PDE1C: variants seen among roughly 807,000 people sequenced by gnomAD.
The protein encoded by PDE1C is phosphodiesterase 1C.
In PDE1C, 62 loss-of-function variants were observed where a neutral mutation model predicts 93.1. The observed-to-expected ratio is 0.67, with a 90% CI of 0.54 to 0.82. The LOEUF is 0.82. PDE1C is among the 40% of genes least tolerant of loss of function. PDE1C has a pLI of 0.00. For synonymous variants in PDE1C, 325 were observed against 310.1 expected (o/e 1.05, Z -0.50); for missense variants, 742 against 884.6 (o/e 0.84, Z 2.04).
intron 3 of PDE1C, among the ~76,000 whole-genome samples, chr7:32,088,210 GA>G (rs557330294): frequency 7.3e-5 from 11 of 151,114 alleles, no homozygotes; most frequent in African/African-American, 2.4e-4. Flanking sequence ...AAAAAAGGAA[GA>G]AAAAAAGCTC....
intron 3 of PDE1C, among the ~76,000 whole-genome samples, chr7:32,088,020 TAAAAAATAA>T (rs1797221302): frequency 7.0e-6 from 1 of 142,064 alleles, no homozygotes; most frequent in African/African-American, 2.5e-5. Flanking sequence ...AATAAAAAAA[TAAAAAATAA>T]AAAAAAGAAA....
intron 1 of PDE1C, among the ~76,000 whole-genome samples, chr7:32,387,687 C>G (rs1328193490): frequency 6.8e-6 from 1 of 147,868 alleles, no homozygotes; most frequent in Admixed American, 6.6e-5. Context: ...GGCTGACCCC[C>G]CCCACCTCCC....
At chr7:32,117,992 T>A (rs1297426380) in intron 3 of PDE1C, among the ~76,000 whole-genome samples, 1 of 152,168 alleles carries the variant, frequency 6.6e-6, no homozygotes, top group East Asian at 1.9e-4. Context: ...GACAATGTTT[T>A]AGGAGAGATT....
At chr7:32,127,956 T>A (rs557435068) in intron 3 of PDE1C, among the ~76,000 whole-genome samples, 1 of 152,012 alleles carries the variant, frequency 6.6e-6, no homozygotes, top group African/African-American at 2.4e-5. Flanking sequence ...ACTTACCCAA[T>A]CGGATAATAA....
At chr7:32,361,885 C>T (rs1210012464) in intron 1 of PDE1C, among the ~76,000 whole-genome samples, 2 of 152,334 alleles carry the variant, frequency 1.3e-5, no homozygotes, top group Middle Eastern at 6.8e-3. Context: ...CTGCTCTTTA[C>T]TCCTCAAGAA....
intron 11 of PDE1C, among the ~76,000 whole-genome samples, chr7:31,836,584 T>G (rs1180659607): frequency 6.6e-6 from 1 of 152,102 alleles, no homozygotes; most frequent in African/African-American, 2.4e-5. Flanking sequence ...CCACCCGCCT[T>G]GGCCTCCCAA....
chr7:32,404,088 C>A (rs926364647), intron 1 of PDE1C, among the ~76,000 whole-genome samples: 1 of 152,172 alleles, frequency 6.6e-6, no homozygotes, highest in African/African-American at 2.4e-5. Flanking sequence ...CTGGGTCTGA[C>A]TCCTGGCCCC....
the PDE1C span, among the ~76,000 whole-genome samples, chr7:31,743,179 T>G: frequency 1.3e-5 from 2 of 152,218 alleles, no homozygotes; most frequent in African/African-American, 4.8e-5. Flanking sequence ...TTTATCCTGC[T>G]GGGATCCTGC....
chr7:32,116,783 C>T (rs978723396), intron 3 of PDE1C, among the ~76,000 whole-genome samples: 1 of 152,162 alleles, frequency 6.6e-6, no homozygotes, highest in African/African-American at 2.4e-5. Context: ...TTTTTGTCCC[C>T]TTTTGCTATT....
intron 2 of PDE1C, among the ~76,000 whole-genome samples, chr7:31,903,871 C>T (rs1800269896): frequency 6.6e-6 from 1 of 152,048 alleles, no homozygotes; most frequent in African/African-American, 2.4e-5. Context: ...AGTCAAAGGA[C>T]CAATATTAAT....
chr7:31,893,030 T>G (rs1583825121), intron 2 of PDE1C, among the ~76,000 whole-genome samples: 1 of 152,148 alleles, frequency 6.6e-6, no homozygotes, highest in South Asian at 2.1e-4. Context: ...CCCATAAATA[T>G]ATACAATTAT....
chr7:32,100,657 C>G (rs894147699), intron 3 of PDE1C, among the ~76,000 whole-genome samples: 1 of 152,082 alleles, frequency 6.6e-6, no homozygotes, highest in African/African-American at 2.4e-5. Context: ...TAAATCAGCC[C>G]AAAACATCAA....
intron 1 of PDE1C, among the ~76,000 whole-genome samples, chr7:32,066,274 A>T (rs1008905389): frequency 2.0e-5 from 3 of 152,166 alleles, no homozygotes; most frequent in African/African-American, 7.2e-5. Flanking sequence ...TAGCATAGTA[A>T]GGTGGATGGG....
upstream of PDE1C, chr7:32,070,672 G>A: frequency 2.3e-6 from 3 of 1,312,452 alleles, no homozygotes; most frequent in Non-Finnish European, 2.9e-6. Context: ...ATAGAGATAG[G>A]GATTGGGATT....
intron 2 of PDE1C, among the ~76,000 whole-genome samples, chr7:31,971,628 C>A (rs1179144303): frequency 6.6e-6 from 1 of 152,206 alleles, no homozygotes; most frequent in East Asian, 1.9e-4. Context: ...GCTGTATGAC[C>A]TGAGGCTTCC....
intron 1 of PDE1C, among the ~76,000 whole-genome samples, chr7:32,347,317 G>C (rs1783872681): frequency 6.6e-6 from 1 of 152,134 alleles, no homozygotes; most frequent in Non-Finnish European, 1.5e-5. Flanking sequence ...TGATTTTTTT[G>C]AGGAATCAAG....
intron 2 of PDE1C, among the ~76,000 whole-genome samples, chr7:32,031,072 C>G (rs1182429191): frequency 6.6e-6 from 1 of 152,122 alleles, no homozygotes; most frequent in Non-Finnish European, 1.5e-5. Context: ...ATTCAGTGAG[C>G]TTCCCTTCTC....
chr7:32,426,384 C>T (rs73096029), intron 1 of PDE1C, among the ~76,000 whole-genome samples: 26,174 of 151,588 alleles, frequency 0.17, 2,753 homozygotes, highest in Admixed American at 0.27. Context: ...AGCTATCCTA[C>T]TGCCTCAGCC....
chr7:31,965,689 T>C (rs1367087533), intron 2 of PDE1C, among the ~76,000 whole-genome samples: 1 of 151,936 alleles, frequency 6.6e-6, no homozygotes, highest in East Asian at 1.9e-4. Context: ...AAAGAAAAAA[T>C]GTTAAGGGCA....
Sources: allele counts gnomAD v4.1 joint callset (sites outside exome capture counted in the v4.1 genomes callset), GRCh38; gene constraint gnomAD v4.1.1; transcripts MANE v1.5; gene names NCBI Gene and HGNC (gene_info 2026-07-23, HGNC 2026-07-21).